Variants in TLN2 observed in about 807,000 individuals in gnomAD.
The protein encoded by TLN2 is talin 2.
Under a neutral mutation model 294.7 loss-of-function variants are expected in TLN2, and 118 were observed. That is an observed-to-expected ratio of 0.40 (90% CI 0.34 to 0.47). The LOEUF (loss-of-function observed/expected upper bound fraction) is 0.47. TLN2 is among the 20% of genes least tolerant of loss of function. The pLI is 0.84. For synonymous variants in TLN2, 1,431 were observed against 1,304.5 expected (o/e 1.10, Z -2.09); for missense variants, 3,083 against 3,282.2 (o/e 0.94, Z 1.48).
At position 62,560,720 on chromosome 15, in the gene TLN2, G is replaced by A. The variant is rs569984096; in HGVS notation, c.-237-28967G>A. ...AAAGTATGTCTTCACCTGTCTGGAC[G>A]ATGCCCCTGCCCTGCTCCTCAGCCC... On this transcript the variant is annotated intron_variant, in intron 1 of 58. Transcript: ENST00000636159. Among the ~76,000 whole-genome samples, 37 of 152,346 alleles carry A rather than the reference G, an allele frequency of 2.4e-4. No homozygotes were observed. In the South Asian group the frequency reaches 7.5e-3, roughly 31 times the overall value.
At chr15:62,735,062 G>GTTCTAACA (rs1233875721) in intron 28 of TLN2, among the ~76,000 whole-genome samples, 1 of 152,178 alleles carries the variant, frequency 6.6e-6, no homozygotes, top group East Asian at 1.9e-4. Flanking sequence ...TAACAGAAAG[G>GTTCTAACA]GCTCATAGTT....
intron 22 of TLN2, 108 bp downstream of exon 22, chr15:62,712,185 C>T (rs2059468735): frequency 3.6e-6 from 5 of 1,378,970 alleles, no homozygotes; most frequent in Non-Finnish European, 4.9e-6. Context: ...TTTTTGTTTG[C>T]TTAAAACCTA....
rs185061954 is a variant in TLN2 at position 62,482,436 on chromosome 15, C to T, written c.-238+91751C>T. 7.3e-4 allele frequency among the ~76,000 whole-genome samples: 111 copies of T among 151,512 alleles called. 1 individual carries two copies. In the East Asian group the frequency reaches 0.02, roughly 28 times the overall value. The stretch of plus-strand genomic sequence containing the variant: ...TGACCAACATGGAGAAACCCCATCT[C>T]TGCTAAAAATACAAAATTAGCCAGG... On this transcript the variant is annotated intron_variant, in intron 1 of 58. Transcript: ENST00000636159.
chr15:62,730,787 T>G (rs1345496517), intron 28 of TLN2, among the ~76,000 whole-genome samples: 2 of 152,208 alleles, frequency 1.3e-5, no homozygotes, highest in Admixed American at 1.3e-4. Flanking sequence ...TCCAGCAGTG[T>G]GCCTGGAGGA....
intron 1 of TLN2, among the ~76,000 whole-genome samples, chr15:62,528,952 T>G (rs1437717411): frequency 6.6e-6 from 1 of 152,234 alleles, no homozygotes; most frequent in African/African-American, 2.4e-5. Flanking sequence ...TGAACATCCT[T>G]AAAACACACA....
At chr15:62,628,293 G>T (rs1037978834) in intron 3 of TLN2, among the ~76,000 whole-genome samples, 6 of 152,184 alleles carry the variant, frequency 3.9e-5, no homozygotes, top group African/African-American at 1.2e-4. Context: ...TACCTATGGG[G>T]GCTTCCCTGC....
At chr15:62,835,535 C>T in intron 55 of TLN2, 1 of 607,264 alleles carries the variant, frequency 1.6e-6, no homozygotes. Flanking sequence ...GGTGGCGAAA[C>T]CTGCCAGGAT....
intron 28 of TLN2, 94 bp downstream of exon 28, chr15:62,727,283 T>C (rs1343445034): frequency 8.7e-7 from 1 of 1,148,846 alleles, no homozygotes; most frequent in Non-Finnish European, 1.2e-6. Context: ...ACAATACACG[T>C]GACATTTTTC....
At chr15:62,412,794 C>T (rs1340700688) in intron 1 of TLN2, among the ~76,000 whole-genome samples, 3 of 152,298 alleles carry the variant, frequency 2.0e-5, no homozygotes, top group South Asian at 4.1e-4. Context: ...AAATACCCTG[C>T]GAGGCACTTG....
rs896247023 is a variant in TLN2 at position 62,763,614 on chromosome 15, C to G, written c.5013C>G (p.Asn1671Lys). The change falls in exon 40 of 59, where the codon AAC (asparagine) becomes AAG (lysine). Residue 1671 changes from asparagine (N) to lysine (K), a missense_variant. By Grantham distance (94) the Asn-to-Lys change is moderately conservative. Transcript: ENST00000636159. ...GTGATTACTCCATCGATGGCATCAACCGGTGCATCCGGGACATCGAGCAGG... is the reference window on the plus strand; with the variant it reads ...GTGATTACTCCATCGATGGCATCAAGCGGTGCATCCGGGACATCGAGCAGG... Reference protein sequence around the residue: ...RECDYSIDGINRCIRDIEQAS... With the variant: ...RECDYSIDGIKRCIRDIEQAS... 1 of 1,613,782 alleles carries G rather than the reference C, an allele frequency of 6.2e-7. No homozygotes were observed. The highest frequency in any genetic ancestry group is 2.2e-5 in the East Asian group (1 of 44,882).
Position 62,748,451 on chromosome 15 carries a change from C to A in TLN2, c.4119+7C>A. ...TGCCCTGCGGGAGCTCGAGGTAGGT[C>A]CCTGGGAAGGCTGCTGAGGACTTGA... On this transcript the variant is annotated splice_region_variant and intron_variant, in intron 33 of 58. Coordinates refer to ENST00000636159, the MANE Select transcript of TLN2 (RefSeq NM_015059.3). 6.2e-7 allele frequency: 1 copy of A among 1,610,854 alleles called. No homozygotes were observed. The highest frequency in any genetic ancestry group is 8.5e-7 in the Non-Finnish European group (1 of 1,177,788).
chr15:62,583,974 C>T (rs896167452), intron 1 of TLN2, among the ~76,000 whole-genome samples: 9 of 152,066 alleles, frequency 5.9e-5, no homozygotes, highest in Non-Finnish European at 1.3e-4. Context: ...TCTTGCCCTC[C>T]TAGTAAGCAT....
chr15:62,399,209 C>A (rs568123380), intron 1 of TLN2, among the ~76,000 whole-genome samples: 199 of 137,818 alleles, frequency 1.4e-3, no homozygotes, highest in African/African-American at 5.1e-3. Context: ...TGCCTGGATG[C>A]GCCACTGCAC....
At chr15:62,606,891 C>T (rs1039854267) in intron 2 of TLN2, among the ~76,000 whole-genome samples, 5 of 152,146 alleles carry the variant, frequency 3.3e-5, no homozygotes, top group Admixed American at 6.5e-5. Context: ...TGATGCTCAG[C>T]GCAGGCTTGG....
At chr15:62,688,331 TG>T (rs1379038849) in intron 12 of TLN2, among the ~76,000 whole-genome samples, 1 of 152,176 alleles carries the variant, frequency 6.6e-6, no homozygotes, top group Non-Finnish European at 1.5e-5. Flanking sequence ...TTTCTACTAT[TG>T]ATTTTTTAGT....
At chr15:62,530,821 T>A (rs769479542) in intron 1 of TLN2, among the ~76,000 whole-genome samples, 1 of 152,212 alleles carries the variant, frequency 6.6e-6, no homozygotes, top group Non-Finnish European at 1.5e-5. Flanking sequence ...AATTTTGCAT[T>A]TCTCTAAGTG....
intron 1 of TLN2, among the ~76,000 whole-genome samples, chr15:62,425,493 G>C (rs533885362): frequency 1.3e-5 from 2 of 152,192 alleles, no homozygotes; most frequent in Non-Finnish European, 2.9e-5. Context: ...TAAGACAAAG[G>C]CTTCTTAGCA....
chr15:62,744,412 T>G (rs1042581265), intron 32 of TLN2, among the ~76,000 whole-genome samples: 27 of 149,118 alleles, frequency 1.8e-4, no homozygotes, highest in African/African-American at 6.5e-4. Context: ...TAATTTTTTT[T>G]TTTTTTTTTT....
chr15:62,498,347 T>C lies in TLN2; in HGVS notation c.-237-91340T>C, dbSNP rs57451040. ...GCTGACCCTAAACATTTGTATAGTT[T>C]TAGTATTCGATCCTTGAGTAGTCAC... On this transcript the variant is annotated intron_variant, in intron 1 of 58. Transcript: ENST00000636159. 8.9e-3 allele frequency among the ~76,000 whole-genome samples: 1,354 copies of C among 152,256 alleles called. 25 individuals carry two copies. The highest frequency in any genetic ancestry group is 0.03 in the African/African-American group (1,231 of 41,536).
Sources: allele counts gnomAD v4.1 joint callset (sites outside exome capture counted in the v4.1 genomes callset), GRCh38; gene constraint gnomAD v4.1.1; transcripts MANE v1.5; gene names NCBI Gene and HGNC (gene_info 2026-07-23, HGNC 2026-07-21).